Variants in FOXN3 observed in about 807,000 individuals in gnomAD.
FOXN3 encodes the protein forkhead box N3, also known as forkhead box protein N3.
In FOXN3, 7 loss-of-function variants were observed where a neutral mutation model predicts 38.4. The ratio of observed to expected loss-of-function variants is 0.18; its 90% CI spans 0.10 to 0.34. FOXN3 has a LOEUF of 0.34. FOXN3 is among the 10% of genes least tolerant of loss of function. The probability of loss-of-function intolerance (pLI) is 1.00; values close to 1 mark genes in which losing one functional copy is unlikely to be tolerated. For synonymous variants in FOXN3, 230 were observed against 242.2 expected, an observed-to-expected ratio of 0.95 and a Z score of 0.47; for missense variants, 456 against 613.4, an observed-to-expected ratio of 0.74 and a Z score of 2.71.
intron 1 of FOXN3, among the ~76,000 whole-genome samples, chr14:89,561,743 T>C (rs1185924081): frequency 6.6e-6 from 1 of 152,146 alleles, no homozygotes; most frequent in Admixed American, 6.5e-5. Flanking sequence ...TACAATCATA[T>C]CAAAATAACA....
chr14:89,254,775 TA>T (rs1885566351), intron 4 of FOXN3, among the ~76,000 whole-genome samples: 1 of 151,964 alleles, frequency 6.6e-6, no homozygotes, highest in South Asian at 2.1e-4. Context: ...GAGGCCTTCC[TA>T]GGGGGCCTGA....
intron 1 of FOXN3, among the ~76,000 whole-genome samples, chr14:89,579,316 AATTT>A (rs1895698948): frequency 6.8e-6 from 1 of 146,978 alleles, no homozygotes; most frequent in Admixed American, 6.8e-5. Context: ...ACGCCTGGCT[AATTT>A]ATTTATGTTT....
At chr14:89,202,326 T>G (rs747105658) in intron 4 of FOXN3, among the ~76,000 whole-genome samples, 5 of 152,206 alleles carry the variant, frequency 3.3e-5, no homozygotes, top group Non-Finnish European at 5.9e-5. Flanking sequence ...GAACAAAACC[T>G]CACTGTGTTC....
intron 4 of FOXN3, among the ~76,000 whole-genome samples, chr14:89,191,615 T>C (rs1284515961): frequency 6.6e-6 from 1 of 152,146 alleles, no homozygotes; most frequent in Non-Finnish European, 1.5e-5. Context: ...AGAAAATTAC[T>C]TTTTTAATGT....
At chr14:89,395,765 T>A (rs1367269894) in intron 2 of FOXN3, among the ~76,000 whole-genome samples, 1 of 152,166 alleles carries the variant, frequency 6.6e-6, no homozygotes, top group African/African-American at 2.4e-5. Flanking sequence ...ATTAATATTA[T>A]TATTTCTGGG....
At chr14:89,349,550 C>T (rs1050521253) in intron 3 of FOXN3, 1 of 152,638 alleles carries the variant, frequency 6.6e-6, no homozygotes, top group Non-Finnish European at 1.5e-5. Flanking sequence ...CTCGGCTACG[C>T]GTTACTATGG....
chr14:89,382,793 G>T (rs535282940), intron 2 of FOXN3, among the ~76,000 whole-genome samples: 5 of 152,286 alleles, frequency 3.3e-5, no homozygotes, highest in Admixed American at 2.6e-4. Context: ...AGAGGGGATG[G>T]TGTTTGAGGC....
chr14:89,173,160 A>G (rs1887433825), intron 5 of FOXN3, among the ~76,000 whole-genome samples: 1 of 152,240 alleles, frequency 6.6e-6, no homozygotes, highest in African/African-American at 2.4e-5. Flanking sequence ...GCTAAACAGG[A>G]AATCCATAAA....
intron 1 of FOXN3, among the ~76,000 whole-genome samples, chr14:89,504,370 G>A (rs1296295813): frequency 6.6e-6 from 1 of 152,250 alleles, no homozygotes; most frequent in Non-Finnish European, 1.5e-5. Context: ...TTGGAAATGG[G>A]AAGTGGATGG....
chr14:89,455,256 G>GA (rs539269418), intron 1 of FOXN3, among the ~76,000 whole-genome samples: 25 of 152,328 alleles, frequency 1.6e-4, no homozygotes, highest in Admixed American at 8.5e-4. Flanking sequence ...ACAAGGGCCT[G>GA]AAGTTGGGAA....
intron 5 of FOXN3, among the ~76,000 whole-genome samples, chr14:89,172,707 A>C (rs1207439890): frequency 1.3e-5 from 2 of 152,026 alleles, no homozygotes; most frequent in Admixed American, 6.5e-5. Flanking sequence ...CCACAAATAG[A>C]AAGAAACCTG....
chr14:89,177,013 T>C (rs200891241), intron 5 of FOXN3, among the ~76,000 whole-genome samples: 3,229 of 33,326 alleles, frequency 0.097, 63 homozygotes, highest in African/African-American at 0.23. Flanking sequence ...TTCTTTCTTT[T>C]TTTTTTTTTT....
chr14:89,358,751 G>C (rs1566965517), intron 2 of FOXN3, among the ~76,000 whole-genome samples: 1 of 152,216 alleles, frequency 6.6e-6, no homozygotes, highest in South Asian at 2.1e-4. Context: ...CATGTGTGGG[G>C]TCAGTGAGAA....
At chr14:89,311,612 A>G (rs1168738815) in intron 3 of FOXN3, among the ~76,000 whole-genome samples, 1 of 151,740 alleles carries the variant, frequency 6.6e-6, no homozygotes, top group Non-Finnish European at 1.5e-5. Flanking sequence ...GGATCACAAG[A>G]TCAGGAGGTC....
At chr14:89,329,855 C>CAAAAAAAAAAA (rs57791098) in intron 3 of FOXN3, among the ~76,000 whole-genome samples, 17 of 59,868 alleles carry the variant, frequency 2.8e-4, no homozygotes, top group African/African-American at 5.9e-4. Flanking sequence ...GACTCAGTCT[C>CAAAAAAAAAAA]AAAAAAAAAA....
chr14:89,168,398 C>G (rs73319297), intron 5 of FOXN3, among the ~76,000 whole-genome samples: 2,023 of 152,244 alleles, frequency 0.013, 48 homozygotes, highest in African/African-American at 0.047. Context: ...ACTCAAGAGG[C>G]TGAAGAGGAA....
intron 1 of FOXN3, among the ~76,000 whole-genome samples, chr14:89,617,046 T>C (rs1441121244): frequency 1.3e-5 from 2 of 152,120 alleles, no homozygotes; most frequent in Non-Finnish European, 2.9e-5. Flanking sequence ...TCTTTTTAAG[T>C]GGTGGTCATG....
At chr14:89,241,874 GGCCTCTTCCCCTCGGAGCTCT>G (rs959057861) in intron 4 of FOXN3, among the ~76,000 whole-genome samples, 2 of 152,136 alleles carry the variant, frequency 1.3e-5, no homozygotes, top group African/African-American at 4.8e-5. Context: ...CGCAATGGGG[GGCCTCTTCCCCTCGGAGCTCT>G]GCCTCTCCCC....
At chr14:89,208,596 A>G (rs1452754383) in intron 4 of FOXN3, among the ~76,000 whole-genome samples, 1 of 152,210 alleles carries the variant, frequency 6.6e-6, no homozygotes, top group Non-Finnish European at 1.5e-5. Flanking sequence ...ATTATACCTT[A>G]TAATTGGCCC....
Sources: gnomAD v4.1 joint callset for allele counts (sites outside exome capture counted in the v4.1 genomes callset) on GRCh38, gnomAD v4.1.1 for gene constraint, MANE v1.5 for transcripts, NCBI Gene and HGNC (gene_info 2026-07-23, HGNC 2026-07-21) for gene names.